Variants in SLC26A9 observed in about 807,000 individuals in gnomAD.
SLC26A9 encodes the protein anion transporter/exchanger protein 9.
SLC26A9 carries 46 observed loss-of-function variants against 87.1 expected under a neutral mutation model. That is an observed-to-expected ratio of 0.53 (90% CI 0.42 to 0.67). SLC26A9 has a LOEUF of 0.67. Ranked by LOEUF, SLC26A9 falls within the 30% of genes least tolerant of loss-of-function variation. SLC26A9 has a pLI of 0.00. For missense variants in SLC26A9, 927 were observed against 1,018.3 expected, an observed-to-expected ratio of 0.91 and a Z score of 1.22; for synonymous variants, 437 against 409.1, an observed-to-expected ratio of 1.07 and a Z score of -0.82.
At chr1:205,925,954 G>A (rs772369035) in intron 12 of SLC26A9, among the ~76,000 whole-genome samples, 1 of 152,184 alleles carries the variant, frequency 6.6e-6, no homozygotes. Flanking sequence ...CGCTCATGCG[G>A]TGTTTTCCCA....
At position 205,923,082 on chromosome 1, in the gene SLC26A9, C is replaced by T. The variant is rs775325357; in HGVS notation, c.1773G>A (p.Lys591=). The T allele has an allele frequency of 6.2e-7, 1 of 1,613,764 alleles. No homozygotes were observed. Among genetic ancestry groups the T allele is most frequent in the South Asian group, 1.1e-5 (1 of 91,060 alleles). The change falls in exon 16 of 21, where the codon AAG becomes AAA. Residue 591 remains lysine, a splice_region_variant and synonymous_variant. Coordinates refer to ENST00000367135, the MANE Select transcript of SLC26A9 (RefSeq NM_052934.4). ...GGGGCTGCTTCTGGCCTTCATTCAC[C>T]TTGGTTTTCATGAATAGAGACCTCC... ...QQRRSLFMKT[K]TVSLQELQQD... is the part of the protein sequence containing the mutation.
Position 205,921,836 on chromosome 1 carries a change from C to T in SLC26A9, c.1785G>A (p.Leu595=), listed in dbSNP as rs759468042. The part of the protein sequence containing the change: ...SLFMKTKTVS[L]QELQQDFENA... ...TCTCAAAGTCCTGCTGCAGCTCCTG[C>T]AGGGAGACAGTCTGGAAGGGTGGGG... Residue 595 remains leucine, a synonymous_variant, in exon 17 of 21, where the codon CTG becomes CTA. Coordinates refer to ENST00000367135, the MANE Select transcript of SLC26A9 (RefSeq NM_052934.4). 21 of 1,605,718 alleles carry T rather than the reference C, an allele frequency of 1.3e-5. No homozygotes were observed. The South Asian group carries it at 2.0e-4, about 15-fold the overall frequency.
At chr1:205,921,517 G>T in intron 17 of SLC26A9, 49 bp downstream of exon 17, 7 of 1,573,840 alleles carry the variant, frequency 4.4e-6, no homozygotes, top group South Asian at 1.2e-5. Context: ...GTGGAGAGCA[G>T]AGCGGAGGGG....
chr1:205,932,083 C>A (rs373213046), intron 4 of SLC26A9, 48 bp from the exon 5 acceptor site: 3 of 1,600,576 alleles, frequency 1.9e-6, no homozygotes, highest in Non-Finnish European at 2.6e-6. Context: ...TGAACCACAC[C>A]GATGGAAACC....
chr1:205,916,985 C>T (rs561293831), intron 20 of SLC26A9, among the ~76,000 whole-genome samples: 8 of 151,506 alleles, frequency 5.3e-5, no homozygotes, highest in South Asian at 4.2e-4. Context: ...CCCAGCTACT[C>T]GGGAGGCTGA....
intron 9 of SLC26A9, 115 bp from the exon 10 acceptor site, chr1:205,927,720 C>T (rs1177234809): frequency 2.9e-6 from 4 of 1,374,492 alleles, no homozygotes; most frequent in African/African-American, 2.9e-5. Flanking sequence ...GACCCAGTGG[C>T]TATAAAGTCA....
intron 8 of SLC26A9, among the ~76,000 whole-genome samples, 186 bp downstream of exon 8, chr1:205,928,641 A>T (rs1450369057): frequency 3.9e-5 from 6 of 152,232 alleles, no homozygotes; most frequent in African/African-American, 1.4e-4. Flanking sequence ...TTCTCATAAA[A>T]TAGCCTACAT....
intron 12 of SLC26A9, among the ~76,000 whole-genome samples, chr1:205,926,236 T>C (rs939189578): frequency 1.3e-5 from 2 of 152,246 alleles, no homozygotes; most frequent in African/African-American, 4.8e-5. Context: ...ATTACCTTGC[T>C]TCTTCTTCAT....
chr1:205,914,574 GC>G lies in SLC26A9; in HGVS notation c.*782del. 1.7e-5 allele frequency: 5 copies of G among 299,800 alleles called. No individual in the cohort carries two copies. The South Asian group carries it at 4.6e-4, about 27-fold the overall frequency. 18.6% of individuals were successfully genotyped at this position (299,800 alleles called of 1,614,324 possible). On this transcript the variant is annotated 3_prime_UTR_variant, in exon 21 of 21. Transcript: ENST00000367135. Reference sequence around the variant, plus strand: ...CCCATCCCCCTCTTTGGGGTTTCTAGCCAGCCTCCAGGGGAAGGGAGCAGCC... The same window carrying G: ...CCCATCCCCCTCTTTGGGGTTTCTAGCAGCCTCCAGGGGAAGGGAGCAGCC...
In SLC26A9 at chr1:205,915,279, CT is replaced by C. The variant is rs1658538424; in HGVS notation, c.*77del. On this transcript the variant is annotated 3_prime_UTR_variant, in exon 21 of 21. Transcript: ENST00000367135. ...TGCACTTTCCTCCGCCCGACACCCCCTGTGACCCCAGGCTCATCCTTTATGG... is the reference window on the plus strand; with the variant it reads ...TGCACTTTCCTCCGCCCGACACCCCCGTGACCCCAGGCTCATCCTTTATGG... The C allele has an allele frequency of 1.2e-6, 2 of 1,606,326 alleles. No individual in the cohort carries two copies. Among genetic ancestry groups the C allele is most frequent in the African/African-American group, 2.7e-5 (2 of 74,820 alleles).
intron 1 of SLC26A9, among the ~76,000 whole-genome samples, chr1:205,942,545 G>A (rs1027549311): frequency 6.6e-6 from 1 of 152,172 alleles, no homozygotes; most frequent in African/African-American, 2.4e-5. Flanking sequence ...GTCTCAGCTG[G>A]GGACCCTCTG....
In SLC26A9 at chr1:205,931,528, G is replaced by A. The variant is rs574738953; in HGVS notation, c.552+332C>T. On this transcript the variant is annotated intron_variant, in intron 5 of 20. Coordinates refer to ENST00000367135, the MANE Select transcript of SLC26A9 (RefSeq NM_052934.4). ...GTCACCCAGGCTGGAGTGCAGTGGC[G>A]CGATCTCGGCTCACTGCAACCTCTG... is the stretch of plus-strand genomic sequence containing the variant. Among the ~76,000 whole-genome samples, 9 of 142,538 alleles carry A rather than the reference G, an allele frequency of 6.3e-5. No individual in the cohort carries two copies. In the South Asian group the frequency reaches 1.1e-3, roughly 18 times the overall value. The allele number at this position is 142,538 out of a possible 152,430, so 93.5% of individuals were successfully genotyped here. A position where few individuals can be genotyped will look rare whatever the true frequency, so the allele number is the denominator to read the frequency against.
chr1:205,926,425 T>C, intron 12 of SLC26A9, 110 bp downstream of exon 12: 1 of 894,086 alleles, frequency 1.1e-6, no homozygotes, highest in Admixed American at 1.9e-5. Flanking sequence ...TCATGCTAAT[T>C]AGGAAGCAGC....
chr1:205,935,885 A>G (rs1659491482), intron 1 of SLC26A9, 47 bp from the exon 2 acceptor site: 3 of 1,562,406 alleles, frequency 1.9e-6, no homozygotes, highest in Non-Finnish European at 2.6e-6. Context: ...ATCCCTCCCT[A>G]GTGCCAGCCC....
In SLC26A9 at chr1:205,920,178, T is replaced by A. The variant is rs775727656; in HGVS notation, c.2108A>T (p.His703Leu). 6.2e-7 allele frequency: 1 copy of A among 1,613,830 alleles called. No homozygotes were observed. Among genetic ancestry groups the A allele is most frequent in the East Asian group, 2.2e-5 (1 of 44,884 alleles). ...CCTAAATGTCCTCTTTCTCTTACCA[T>A]GGATGTTCACCAAGAAGACCTTCAC... ...IGVKVFLVNIHAQVYNDISHG... is the reference protein window; with the variant it reads ...IGVKVFLVNILAQVYNDISHG... The change falls in exon 18 of 21, where the codon CAT becomes CTT. Residue 703 changes from histidine (H) to leucine (L), a missense_variant and splice_region_variant. His to Leu is a moderately conservative substitution (Grantham distance 99). Coordinates refer to ENST00000367135, the MANE Select transcript of SLC26A9 (RefSeq NM_052934.4).
Position 205,921,749 on chromosome 1 carries a change from A to C in SLC26A9, c.1872T>G (p.Tyr624Ter). ...AGGAGCTGTCAGGGCTGAAGGTGAT[A>C]TAGGACACGCTGGTGCCGTTAGCCG... Reference protein sequence around the residue: ...QTPANGTSVSYITFSPDSSSP... With the variant: ...QTPANGTSVS The change falls in exon 17 of 21, where the codon TAT (tyrosine) becomes TAG (stop). Residue 624 changes from tyrosine to a stop codon, truncating the protein, a stop_gained. Transcript: ENST00000367135. LOFTEE classifies it high-confidence loss of function. The C allele has an allele frequency of 6.3e-7, 1 of 1,595,662 alleles. No homozygotes were observed. The highest frequency in any genetic ancestry group is 2.3e-5 in the East Asian group (1 of 43,986).
chr1:205,941,462 C>T (rs892339915), intron 1 of SLC26A9, among the ~76,000 whole-genome samples: 6 of 152,158 alleles, frequency 3.9e-5, no homozygotes, highest in South Asian at 2.1e-4. Context: ...TGAGCCACTG[C>T]GCCCAGCCCC....
At chr1:205,917,470 C>T (rs935612971) in intron 19 of SLC26A9, 116 bp from the exon 20 acceptor site, 1 of 955,112 alleles carries the variant, frequency 1.0e-6, no homozygotes, top group Non-Finnish European at 1.7e-6. Flanking sequence ...CTTCCTGACA[C>T]ATGACTTATC....
intron 1 of SLC26A9, among the ~76,000 whole-genome samples, chr1:205,937,067 G>A (rs1425719340): frequency 6.6e-6 from 1 of 152,180 alleles, no homozygotes; most frequent in Non-Finnish European, 1.5e-5. Context: ...TGGATAAGAA[G>A]GGGTTGTGTA....
Sources: gnomAD v4.1 joint callset for allele counts (sites outside exome capture counted in the v4.1 genomes callset) on GRCh38, gnomAD v4.1.1 for gene constraint, MANE v1.5 for transcripts, NCBI Gene and HGNC (gene_info 2026-07-23, HGNC 2026-07-21) for gene names.